GABBR2: variants seen among roughly 807,000 people sequenced by gnomAD.
GABBR2 encodes gamma-aminobutyric acid type B receptor subunit 2.
GABBR2 carries 23 observed loss-of-function variants against 105.6 expected under a neutral mutation model. The observed-to-expected ratio is 0.22, with a 90% CI of 0.16 to 0.31. The LOEUF is 0.31. Ranked by LOEUF, GABBR2 falls within the 10% of genes least tolerant of loss-of-function variation. The pLI, the probability that GABBR2 is intolerant of heterozygous loss-of-function variation, is 1.00. For synonymous variants in GABBR2, 478 were observed against 499.7 expected (o/e 0.96, Z 0.58); for missense variants, 734 against 1,245.5 (o/e 0.59, Z 6.18).
At chr9:98,420,843 G>A (rs1459290973) in intron 7 of GABBR2, among the ~76,000 whole-genome samples, 1 of 152,238 alleles carries the variant, frequency 6.6e-6, no homozygotes, top group African/African-American at 2.4e-5. Flanking sequence ...AGAGTAGGAA[G>A]CAGAAATAGT....
At chr9:98,673,779 T>C (rs1250502789) in intron 1 of GABBR2, among the ~76,000 whole-genome samples, 1 of 152,178 alleles carries the variant, frequency 6.6e-6, no homozygotes, top group African/African-American at 2.4e-5. Flanking sequence ...TAATTGCCAC[T>C]ATCACTGTGG....
At chr9:98,468,350 G>A (rs372375826) in intron 6 of GABBR2, among the ~76,000 whole-genome samples, 2 of 152,072 alleles carry the variant, frequency 1.3e-5, no homozygotes, top group African/African-American at 2.4e-5. Context: ...TTTGTCTATC[G>A]GGAGTCAGCT....
At chr9:98,502,846 AG>A (rs1358657119) in intron 3 of GABBR2, among the ~76,000 whole-genome samples, 1 of 152,228 alleles carries the variant, frequency 6.6e-6, no homozygotes, top group Non-Finnish European at 1.5e-5. Flanking sequence ...CTTTCCGAGC[AG>A]CCACTCACCA....
intron 3 of GABBR2, among the ~76,000 whole-genome samples, chr9:98,540,652 G>A (rs1434330093): frequency 6.6e-6 from 1 of 152,194 alleles, no homozygotes; most frequent in Admixed American, 6.5e-5. Context: ...CGCTCCGGCT[G>A]AGGTCTGTCT....
intron 3 of GABBR2, among the ~76,000 whole-genome samples, chr9:98,529,104 A>T (rs1384998964): frequency 6.6e-6 from 1 of 152,080 alleles, no homozygotes; most frequent in African/African-American, 2.4e-5. Context: ...GCAAACACAC[A>T]TCTACCTCCT....
At chr9:98,436,358 T>TATACACACACACACC (rs1825917577) in intron 7 of GABBR2, among the ~76,000 whole-genome samples, 3 of 3,594 alleles carry the variant, frequency 8.3e-4, no homozygotes, top group Non-Finnish European at 6.4e-4. Flanking sequence ...CATATATATA[T>TATACACACACACACC]ATATATATAT....
At chr9:98,323,911 C>T (rs542638084) in intron 13 of GABBR2, among the ~76,000 whole-genome samples, 28 of 152,306 alleles carry the variant, frequency 1.8e-4, no homozygotes, top group Middle Eastern at 3.4e-3. Flanking sequence ...CGTGGGATCC[C>T]GGACAGAGCT....
chr9:98,443,702 C>G (rs185451251), intron 7 of GABBR2, among the ~76,000 whole-genome samples: 1 of 152,300 alleles, frequency 6.6e-6, no homozygotes, highest in Admixed American at 6.5e-5. Context: ...AGTGCTGGGT[C>G]TTGTAGACAC....
chr9:98,494,128 G>C (rs2131667205), intron 4 of GABBR2, among the ~76,000 whole-genome samples: 1 of 152,324 alleles, frequency 6.6e-6, no homozygotes, highest in South Asian at 2.1e-4. Flanking sequence ...AGGATTACTG[G>C]TGACGCCAGC....
intron 7 of GABBR2, among the ~76,000 whole-genome samples, chr9:98,415,534 G>A (rs1341883807): frequency 1.3e-5 from 2 of 152,208 alleles, no homozygotes; most frequent in Non-Finnish European, 2.9e-5. Context: ...GGAAGCTGGG[G>A]CAAGCGCCTT....
chr9:98,506,946 T>A (rs868466986), intron 3 of GABBR2, among the ~76,000 whole-genome samples: 1 of 152,144 alleles, frequency 6.6e-6, no homozygotes. Flanking sequence ...GGCTGTAGGC[T>A]GCTCCTCTCC....
At chr9:98,362,572 A>T in intron 13 of GABBR2, 143 bp downstream of exon 13, 2 of 538,632 alleles carry the variant, frequency 3.7e-6, no homozygotes, top group Non-Finnish European at 5.9e-6. Flanking sequence ...CCCTGGAATT[A>T]CATGTCTCAA....
intron 7 of GABBR2, among the ~76,000 whole-genome samples, chr9:98,430,936 G>GTTGT (rs540464958): frequency 3.5e-5 from 5 of 144,286 alleles, no homozygotes; most frequent in African/African-American, 1.3e-4. Flanking sequence ...TATTTGGACT[G>GTTGT]TTTTTTTTTT....
chr9:98,461,900 C>T (rs981677461), intron 6 of GABBR2, among the ~76,000 whole-genome samples: 6 of 152,164 alleles, frequency 3.9e-5, no homozygotes, highest in African/African-American at 1.4e-4. Flanking sequence ...CTTAAACAGC[C>T]AGATCTCACA....
intron 1 of GABBR2, among the ~76,000 whole-genome samples, chr9:98,701,907 C>G (rs1001243455): frequency 6.6e-6 from 1 of 152,146 alleles, no homozygotes. Context: ...GCACAATGAT[C>G]CCCAGATTGT....
intron 1 of GABBR2, chr9:98,608,087 T>C (rs1225443695): frequency 1.5e-6 from 2 of 1,311,208 alleles, no homozygotes; most frequent in Admixed American, 1.8e-5. Flanking sequence ...AACAACGAAC[T>C]CTTCGAGAAC....
intron 2 of GABBR2, among the ~76,000 whole-genome samples, chr9:98,572,325 C>A (rs1828843786): frequency 6.6e-6 from 1 of 152,216 alleles, no homozygotes; most frequent in Non-Finnish European, 1.5e-5. Flanking sequence ...GGTGAATTTT[C>A]ACCCCTCTGG....
At chr9:98,609,832 G>A (rs766703498) in intron 1 of GABBR2, among the ~76,000 whole-genome samples, 2 of 152,218 alleles carry the variant, frequency 1.3e-5, no homozygotes. Context: ...GACGCTGAGA[G>A]CTCCAAACCC....
rs71369558 is a variant in GABBR2, at chr9:98,290,269, GTTTTTTTTTTTT to G, written c.*303_*314del. On this transcript the variant is annotated 3_prime_UTR_variant, in exon 19 of 19. Coordinates refer to ENST00000259455, the MANE Select transcript of GABBR2 (RefSeq NM_005458.8). Reference sequence around the variant, plus strand: ...GCCTCTCTCCTTGTCTAGTTTTTTTGTTTTTTTTTTTTTTTTTTTTTTTTTGCAAGTTTGATA... The same window carrying G: ...GCCTCTCTCCTTGTCTAGTTTTTTTGTTTTTTTTTTTTTGCAAGTTTGATA... The G allele has an allele frequency of 2.2e-3, 172 of 76,902 alleles. 3 individuals are homozygous for G. The highest frequency in any genetic ancestry group is 0.011 in the Middle Eastern group (1 of 90). 4.8% of individuals were successfully genotyped at this position (76,902 alleles called of 1,614,324 possible).
Sources: allele counts gnomAD v4.1 joint callset (sites outside exome capture counted in the v4.1 genomes callset), GRCh38; gene constraint gnomAD v4.1.1; transcripts MANE v1.5; gene names NCBI Gene and HGNC (gene_info 2026-07-23, HGNC 2026-07-21).